TBC1D32: variants seen among roughly 807,000 people sequenced by gnomAD.
TBC1D32 encodes the protein protein broad-minded.
Under a neutral mutation model 170.3 loss-of-function variants are expected in TBC1D32, and 151 were observed. The ratio of observed to expected loss-of-function variants is 0.89; its 90% CI spans 0.78 to 1.01. The LOEUF (loss-of-function observed/expected upper bound fraction) is 1.01. Among genes scored for constraint, TBC1D32 ranks in the 50% least tolerant of loss-of-function variants. TBC1D32 has a pLI of 0.00. For missense variants in TBC1D32, 1,464 were observed against 1,457.1 expected (o/e 1.00, Z -0.08); for synonymous variants, 498 against 488.0 (o/e 1.02, Z -0.27).
At chr6:121,270,759 T>G (rs980872516) in intron 15 of TBC1D32, among the ~76,000 whole-genome samples, 2 of 152,192 alleles carry the variant, frequency 1.3e-5, no homozygotes, top group African/African-American at 4.8e-5. Context: ...TAACTCATTT[T>G]ATGAGGCCAG....
intron 24 of TBC1D32, among the ~76,000 whole-genome samples, chr6:121,154,248 G>A (rs907419059): frequency 6.6e-6 from 1 of 152,084 alleles, no homozygotes; most frequent in Non-Finnish European, 1.5e-5. Context: ...AGGGGAGGGA[G>A]TTCCCCAAAC....
intron 22 of TBC1D32, among the ~76,000 whole-genome samples, chr6:121,162,368 A>G (rs527303547): frequency 6.6e-6 from 1 of 152,250 alleles, no homozygotes; most frequent in Admixed American, 6.5e-5. Flanking sequence ...CCTTGAGTTG[A>G]TTTTTGTATA....
chr6:121,118,545 A>G (rs1488474387), intron 26 of TBC1D32, among the ~76,000 whole-genome samples: 1 of 152,242 alleles, frequency 6.6e-6, no homozygotes, highest in Non-Finnish European at 1.5e-5. Context: ...ATACAACAGC[A>G]GTAGAAGAAA....
At chr6:121,174,217 C>A (rs1787447573) in intron 22 of TBC1D32, among the ~76,000 whole-genome samples, 1 of 151,770 alleles carries the variant, frequency 6.6e-6, no homozygotes, top group Non-Finnish European at 1.5e-5. Context: ...AAGATAATAA[C>A]AAATATAAGG....
rs184633630 is a variant in TBC1D32, at chr6:121,235,923, C to T, written c.2364+3147G>A. ...CCTAAAGTTAATTTCTTAAAGATGG[C>T]ACATAGTTGTATCTTCCTTTTTTAT... is the stretch of plus-strand genomic sequence containing the variant. On this transcript the variant is annotated intron_variant, in intron 20 of 31. Transcript: ENST00000398212. Among the ~76,000 whole-genome samples, 7 of 152,312 alleles carry T rather than the reference C, an allele frequency of 4.6e-5. No individual in the cohort carries two copies. In the East Asian group the frequency reaches 1.4e-3, roughly 29 times the overall value.
At chr6:121,314,301 C>T (rs1005444280) in intron 3 of TBC1D32, among the ~76,000 whole-genome samples, 1 of 152,194 alleles carries the variant, frequency 6.6e-6, no homozygotes, top group Admixed American at 6.5e-5. Context: ...ATGGGTCCCG[C>T]CTGGATAACT....
At chr6:121,147,742 C>T (rs943881490) in intron 24 of TBC1D32, among the ~76,000 whole-genome samples, 6 of 151,958 alleles carry the variant, frequency 3.9e-5, no homozygotes, top group Admixed American at 3.3e-4. Flanking sequence ...CAGGTGCCTG[C>T]CACCACACCT....
At chr6:121,173,577 A>G (rs760251878) in intron 22 of TBC1D32, among the ~76,000 whole-genome samples, 1 of 152,130 alleles carries the variant, frequency 6.6e-6, no homozygotes, top group Non-Finnish European at 1.5e-5. Context: ...AAGACCCCCA[A>G]TATGACACCA....
intron 10 of TBC1D32, among the ~76,000 whole-genome samples, chr6:121,296,208 C>T (rs564519223): frequency 3.3e-5 from 5 of 152,150 alleles, no homozygotes; most frequent in Non-Finnish European, 7.4e-5. Flanking sequence ...ACTTTCATAT[C>T]TTCCATACTT....
chr6:121,280,543 A>C (rs1301438615), intron 14 of TBC1D32, among the ~76,000 whole-genome samples: 2 of 151,764 alleles, frequency 1.3e-5, no homozygotes. Flanking sequence ...AACCCACCTA[A>C]CTTTGCAAAG....
chr6:121,190,305 T>C (rs1487011670), intron 22 of TBC1D32, among the ~76,000 whole-genome samples: 3 of 139,566 alleles, frequency 2.1e-5, no homozygotes, highest in South Asian at 2.5e-4. Flanking sequence ...CCTTTCTTCC[T>C]ACTCTCCCAT....
Position 121,138,752 on chromosome 6 carries a change from T to C in TBC1D32, c.2774-7000A>G, listed in dbSNP as rs115062615. On this transcript the variant is annotated intron_variant, in intron 24 of 31. Coordinates refer to ENST00000398212, the MANE Select transcript of TBC1D32 (RefSeq NM_152730.6). Reference sequence around the variant, plus strand: ...ATCAACAAAAAGTATTTATAGACTATATGTGTAAGACAGAATACAAAAGGC... The same window carrying C: ...ATCAACAAAAAGTATTTATAGACTACATGTGTAAGACAGAATACAAAAGGC... Among the ~76,000 whole-genome samples, 1,514 of 152,270 alleles carry C rather than the reference T, an allele frequency of 9.9e-3. 21 individuals carry two copies. The highest frequency in any genetic ancestry group is 0.034 in the African/African-American group (1,422 of 41,548).
intron 22 of TBC1D32, among the ~76,000 whole-genome samples, chr6:121,189,642 A>T (rs1789679229): frequency 6.6e-6 from 1 of 152,100 alleles, no homozygotes; most frequent in African/African-American, 2.4e-5. Flanking sequence ...TCATCATAAC[A>T]CTATACACAG....
At chr6:121,082,057 G>A (rs1775698273) in intron 31 of TBC1D32, among the ~76,000 whole-genome samples, 1 of 152,012 alleles carries the variant, frequency 6.6e-6, no homozygotes. Flanking sequence ...CTAATCTCAA[G>A]ATAATTGTGA....
intron 22 of TBC1D32, among the ~76,000 whole-genome samples, chr6:121,201,894 CAG>C: frequency 6.6e-6 from 1 of 150,850 alleles, no homozygotes; most frequent in Non-Finnish European, 1.5e-5. Context: ...TTTAAAAAAA[CAG>C]AAAAAAGTTA....
chr6:121,272,880 C>T (rs1801669769), intron 15 of TBC1D32, among the ~76,000 whole-genome samples: 1 of 152,206 alleles, frequency 6.6e-6, no homozygotes, highest in Non-Finnish European at 1.5e-5. Flanking sequence ...CAATGATAGA[C>T]TGGATGAAGA....
At chr6:121,233,695 G>A (rs1001032576) in intron 20 of TBC1D32, among the ~76,000 whole-genome samples, 1 of 152,054 alleles carries the variant, frequency 6.6e-6, no homozygotes, top group African/African-American at 2.4e-5. Flanking sequence ...GAGCATTTAG[G>A]CCATTTACAT....
intron 21 of TBC1D32, among the ~76,000 whole-genome samples, chr6:121,215,182 A>G (rs990468796): frequency 6.6e-6 from 1 of 152,204 alleles, no homozygotes; most frequent in East Asian, 1.9e-4. Flanking sequence ...GTCCATGGGC[A>G]ACCACAGTCA....
chr6:121,189,854 T>C (rs964673835), intron 22 of TBC1D32, among the ~76,000 whole-genome samples: 1 of 151,922 alleles, frequency 6.6e-6, no homozygotes, highest in East Asian at 1.9e-4. Flanking sequence ...CCAGAACATA[T>C]ACCCTAAGTA....
Sources: gnomAD v4.1 joint callset for allele counts (sites outside exome capture counted in the v4.1 genomes callset) on GRCh38, gnomAD v4.1.1 for gene constraint, MANE v1.5 for transcripts, NCBI Gene and HGNC (gene_info 2026-07-23, HGNC 2026-07-21) for gene names.